BICC1: variants seen among roughly 807,000 people sequenced by gnomAD.
BICC1 encodes the protein protein bicaudal C homolog 1.
BICC1 carries 43 observed loss-of-function variants against 111.0 expected under a neutral mutation model. The ratio of observed to expected loss-of-function variants is 0.39; its 90% confidence interval spans 0.30 to 0.50. The LOEUF is 0.50. BICC1 is among the 20% of genes least tolerant of loss of function. The pLI, the probability that BICC1 is intolerant of heterozygous loss-of-function variation, is 0.88. For missense variants in BICC1, 1,091 were observed against 1,203.2 expected (o/e 0.91, Z 1.38); for synonymous variants, 467 against 434.4 (o/e 1.07, Z -0.93).
intron 2 of BICC1, among the ~76,000 whole-genome samples, chr10:58,659,654 CG>C (rs1396564689): frequency 6.6e-6 from 1 of 151,980 alleles, no homozygotes; most frequent in Non-Finnish European, 1.5e-5. Context: ...ACACGGAACG[CG>C]CATGACACAC....
At chr10:58,685,536 T>C (rs1175205771) in intron 2 of BICC1, among the ~76,000 whole-genome samples, 5 of 152,232 alleles carry the variant, frequency 3.3e-5, no homozygotes, top group Non-Finnish European at 7.3e-5. Flanking sequence ...GCTTGCTTTA[T>C]GAATCTGGGT....
At chr10:58,669,552 T>G (rs1236326001) in intron 2 of BICC1, among the ~76,000 whole-genome samples, 1 of 152,114 alleles carries the variant, frequency 6.6e-6, no homozygotes, top group Non-Finnish European at 1.5e-5. Context: ...ATGTACAAAC[T>G]ATTGTATTTG....
chr10:58,614,143 G>T (rs149824506), intron 1 of BICC1, among the ~76,000 whole-genome samples: 1 of 152,118 alleles, frequency 6.6e-6, no homozygotes, highest in Admixed American at 6.5e-5. Context: ...AGAAGAATCC[G>T]TGTTTGGGGG....
At chr10:58,674,705 T>C (rs914908643) in intron 2 of BICC1, among the ~76,000 whole-genome samples, 11 of 152,190 alleles carry the variant, frequency 7.2e-5, no homozygotes, top group African/African-American at 2.4e-4. Flanking sequence ...ATCTTGATGT[T>C]GCTTTTATAG....
intron 3 of BICC1, among the ~76,000 whole-genome samples, chr10:58,754,475 T>A (rs2132655967): frequency 6.6e-6 from 1 of 152,332 alleles, no homozygotes. Flanking sequence ...TGGTAGCACA[T>A]TATTAAGAAA....
At chr10:58,676,997 A>G (rs753601737) in intron 2 of BICC1, among the ~76,000 whole-genome samples, 1 of 152,216 alleles carries the variant, frequency 6.6e-6, no homozygotes, top group Non-Finnish European at 1.5e-5. Flanking sequence ...AGAAAGCAGT[A>G]GCCTCAACGT....
chr10:58,650,651 G>A (rs985012391), intron 2 of BICC1: 4 of 152,164 alleles, frequency 2.6e-5, no homozygotes, highest in Admixed American at 6.6e-5. Flanking sequence ...CAGACCTCAA[G>A]CTACTTTGTG....
At chr10:58,554,882 T>G (rs1564485767) in intron 1 of BICC1, among the ~76,000 whole-genome samples, 1 of 151,672 alleles carries the variant, frequency 6.6e-6, no homozygotes, top group Non-Finnish European at 1.5e-5. Context: ...CTTTTCTATT[T>G]TATATATTAA....
chr10:58,715,115 A>G (rs986072321), intron 3 of BICC1, among the ~76,000 whole-genome samples: 1 of 151,990 alleles, frequency 6.6e-6, no homozygotes, highest in African/African-American at 2.4e-5. Flanking sequence ...AGAATAAACG[A>G]CATCTTGGTT....
At chr10:58,639,324 A>T (rs1838047425) in intron 2 of BICC1, among the ~76,000 whole-genome samples, 1 of 152,084 alleles carries the variant, frequency 6.6e-6, no homozygotes, top group Non-Finnish European at 1.5e-5. Flanking sequence ...TATTTGCCAA[A>T]GCTTTTATTT....
chr10:58,663,822 C>T (rs753518291), intron 2 of BICC1, among the ~76,000 whole-genome samples: 9 of 152,146 alleles, frequency 5.9e-5, no homozygotes, highest in Admixed American at 2.6e-4. Context: ...GAATCATATG[C>T]TATAGTCTTT....
At chr10:58,708,784 C>T (rs925897096) in intron 3 of BICC1, among the ~76,000 whole-genome samples, 1 of 152,224 alleles carries the variant, frequency 6.6e-6, no homozygotes, top group Admixed American at 6.5e-5. Flanking sequence ...GTTGGACCTA[C>T]CTAGCCCCCA....
intron 17 of BICC1, among the ~76,000 whole-genome samples, chr10:58,810,454 TC>T (rs1843865683): frequency 6.6e-6 from 1 of 151,856 alleles, no homozygotes; most frequent in Admixed American, 6.6e-5. Context: ...AAAGATATGA[TC>T]TTTTTTTTTT....
intron 1 of BICC1, among the ~76,000 whole-genome samples, chr10:58,514,226 G>A (rs1326222836): frequency 6.6e-6 from 1 of 152,132 alleles, no homozygotes; most frequent in East Asian, 1.9e-4. Flanking sequence ...CCACCGATGT[G>A]GCTCATTTCC....
chr10:58,575,773 G>A (rs887003187), intron 1 of BICC1, among the ~76,000 whole-genome samples: 1 of 152,020 alleles, frequency 6.6e-6, no homozygotes, highest in Non-Finnish European at 1.5e-5. Context: ...TTCTGTGATT[G>A]TTCCTTTTCA....
intron 2 of BICC1, 47 bp downstream of exon 2, chr10:58,620,948 T>C (rs766641323): frequency 7.7e-6 from 12 of 1,556,852 alleles, no homozygotes; most frequent in Middle Eastern, 1.7e-4. Flanking sequence ...AGAGGAAATA[T>C]ACTTATCTCA....
At chr10:58,626,375 A>G (rs923837925) in intron 2 of BICC1, among the ~76,000 whole-genome samples, 3 of 152,322 alleles carry the variant, frequency 2.0e-5, no homozygotes, top group South Asian at 2.1e-4. Flanking sequence ...AGATAGGAAT[A>G]ACTGGCTGCT....
Position 58,803,077 on chromosome 10 carries a change from C to A in BICC1, c.2016C>A (p.His672Gln). 2 of 1,589,674 alleles carry A rather than the reference C, an allele frequency of 1.3e-6. No homozygotes were observed. The highest frequency in any genetic ancestry group is 1.2e-5 in the South Asian group (1 of 85,514). The change falls in exon 15 of 21, where the codon CAC (histidine) becomes CAA (glutamine). Residue 672 changes from histidine (H) to glutamine (Q), a missense_variant and splice_region_variant. By Grantham distance (24) the His-to-Gln change is conservative (BLOSUM62 0). This residue lies in a region of BICC1 where 843 missense variants were observed against 900.8 expected (regional missense o/e 0.94). Transcript: ENST00000373886. Reference sequence around the variant, plus strand: ...TAAATTCCACACTCTTATTTCACAGCAGCACTGACAGGTTGCTCTCAGACC... The same window carrying A: ...TAAATTCCACACTCTTATTTCACAGAAGCACTGACAGGTTGCTCTCAGACC... ...LLQGTKNSHL[H>Q]STDRLLSDPE...
chr10:58,584,893 T>C (rs932935820), intron 1 of BICC1, among the ~76,000 whole-genome samples: 1 of 152,178 alleles, frequency 6.6e-6, no homozygotes, highest in Non-Finnish European at 1.5e-5. Context: ...ACCAGTCAAG[T>C]TATAAATGAT....
Sources: allele counts gnomAD v4.1 joint callset (sites outside exome capture counted in the v4.1 genomes callset), GRCh38; gene constraint gnomAD v4.1.1; regional missense constraint gnomAD v4.1.1; transcripts MANE v1.5; gene names NCBI Gene and HGNC (gene_info 2026-07-23, HGNC 2026-07-21).